Variants in ERG observed in about 807,000 individuals in gnomAD.
ERG encodes the protein ETS transcription factor ERG, also known as transcriptional regulator ERG.
A neutral mutation model predicts 55.3 loss-of-function variants in ERG; 9 were observed. The ratio of observed to expected loss-of-function variants is 0.16; its 90% CI spans 0.10 to 0.28. The LOEUF (loss-of-function observed/expected upper bound fraction) is 0.28, where lower values mean the gene tolerates loss of function less well. Among genes scored for constraint, ERG ranks in the 10% least tolerant of loss-of-function variants. The probability of loss-of-function intolerance (pLI) is 1.00; values close to 1 mark genes in which losing one functional copy is unlikely to be tolerated. For synonymous variants in ERG, 223 were observed against 237.3 expected (o/e 0.94, Z 0.55); for missense variants, 434 against 631.6 (o/e 0.69, Z 3.35).
At position 38,380,654 on chromosome 21, in the gene ERG, T is replaced by C; in HGVS notation, c.*2749A>G. The C allele has an allele frequency of 9.4e-7, 1 of 1,065,130 alleles. No homozygotes were observed. Among genetic ancestry groups the C allele is most frequent in the Non-Finnish European group, 1.1e-6 (1 of 879,186 alleles). The allele number at this position is 1,065,130 out of a possible 1,614,324, so 66.0% of individuals were successfully genotyped here. A position where few individuals can be genotyped will look rare whatever the true frequency, so the allele number is the denominator to read the frequency against. On this transcript the variant is annotated 3_prime_UTR_variant, in exon 10 of 10. Transcript: ENST00000288319. ...ACAGTAACAGAGAGTTAATGCCATTTTGAAACAATTTAAGAATTATGTATT... is the reference window on the plus strand; with the variant it reads ...ACAGTAACAGAGAGTTAATGCCATTCTGAAACAATTTAAGAATTATGTATT...
the ERG span, among the ~76,000 whole-genome samples, chr21:38,372,217 T>G: frequency 6.6e-6 from 1 of 152,068 alleles, no homozygotes; most frequent in Non-Finnish European, 1.5e-5. Flanking sequence ...TATCTGTCTT[T>G]TCTTTTTTAA....
At chr21:38,616,802 A>G (rs1233682225) in intron 1 of ERG, among the ~76,000 whole-genome samples, 15 of 152,154 alleles carry the variant, frequency 9.9e-5, no homozygotes, top group Admixed American at 9.8e-4. Flanking sequence ...AAACCATCTA[A>G]GATGCCCCTT....
At chr21:38,648,611 G>T (rs545266661) in intron 1 of ERG, among the ~76,000 whole-genome samples, 5 of 152,274 alleles carry the variant, frequency 3.3e-5, no homozygotes, top group Non-Finnish European at 5.9e-5. Flanking sequence ...ATCTCCCACG[G>T]CCTCTGCCTC....
intron 2 of ERG, among the ~76,000 whole-genome samples, chr21:38,564,434 T>C (rs117061879): frequency 6.6e-6 from 1 of 152,112 alleles, no homozygotes; most frequent in Middle Eastern, 3.4e-3. Flanking sequence ...AGAATAATCA[T>C]CAAAAACAAT....
In ERG at chr21:38,423,581, C is replaced by T; in HGVS notation, c.237-20G>A. ...GAGTTCCTGGAGGAGAAGAAATATT[C>T]TTCCATTATAACAGCAATCAAAGAG... On this transcript the variant is annotated intron_variant, in intron 2 of 9. Transcript: ENST00000288319. 1.3e-6 allele frequency: 2 copies of T among 1,597,822 alleles called. No homozygotes were observed. Among genetic ancestry groups the T allele is most frequent in the Non-Finnish European group, 1.7e-6 (2 of 1,168,162 alleles).
At chr21:38,588,132 C>T (rs562046535), upstream of ERG, among the ~76,000 whole-genome samples, 11 of 152,334 alleles carry the variant, frequency 7.2e-5, no homozygotes, top group South Asian at 4.1e-4. Flanking sequence ...CTACCAGCCG[C>T]GTGAGCTGGC....
chr21:38,509,306 T>C (rs765043241), intron 2 of ERG, among the ~76,000 whole-genome samples: 1 of 152,216 alleles, frequency 6.6e-6, no homozygotes, highest in Non-Finnish European at 1.5e-5. Flanking sequence ...ATTCATCCAT[T>C]CATCAATCTT....
intron 1 of ERG, among the ~76,000 whole-genome samples, chr21:38,655,605 C>G (rs2060514201): frequency 6.6e-6 from 1 of 152,206 alleles, no homozygotes. Flanking sequence ...GGGGTGACAT[C>G]TGACTACGAA....
At chr21:38,636,921 C>T (rs1334467296) in intron 1 of ERG, among the ~76,000 whole-genome samples, 1 of 152,136 alleles carries the variant, frequency 6.6e-6, no homozygotes, top group Admixed American at 6.5e-5. Flanking sequence ...AAGAGGCGAA[C>T]ACTGTTACAG....
At chr21:38,416,571 C>T (rs969444219) in intron 3 of ERG, among the ~76,000 whole-genome samples, 1 of 152,206 alleles carries the variant, frequency 6.6e-6, no homozygotes, top group Non-Finnish European at 1.5e-5. Flanking sequence ...AGCACTGATT[C>T]CTAATTTCCA....
At chr21:38,624,814 G>A (rs2060314761) in intron 1 of ERG, among the ~76,000 whole-genome samples, 2 of 152,092 alleles carry the variant, frequency 1.3e-5, no homozygotes, top group Admixed American at 1.3e-4. Context: ...AAACATCACA[G>A]CCCTTATCAC....
chr21:38,565,503 T>C (rs895901978), intron 2 of ERG, among the ~76,000 whole-genome samples: 4 of 152,162 alleles, frequency 2.6e-5, no homozygotes, highest in African/African-American at 9.7e-5. Flanking sequence ...ATCCTGCAGC[T>C]TTAACCTCAC....
At chr21:38,657,665 C>G (rs1216880478) in intron 1 of ERG, among the ~76,000 whole-genome samples, 1 of 152,126 alleles carries the variant, frequency 6.6e-6, no homozygotes, top group Non-Finnish European at 1.5e-5. Flanking sequence ...GACAGCCCAG[C>G]CATTGGAAAA....
intron 2 of ERG, 85 bp from the exon 3 acceptor site, chr21:38,423,646 A>G: frequency 7.2e-7 from 1 of 1,390,370 alleles, no homozygotes; most frequent in Non-Finnish European, 9.9e-7. Flanking sequence ...AGAGAGAACC[A>G]AAGAAGGGCA....
chr21:38,510,802 G>A (rs1158134989), intron 2 of ERG, among the ~76,000 whole-genome samples: 2 of 152,040 alleles, frequency 1.3e-5, no homozygotes, highest in African/African-American at 2.4e-5. Context: ...CATTGAAATC[G>A]ATTTTCCCCT....
chr21:38,450,047 G>A (rs1396511350), intron 1 of ERG, among the ~76,000 whole-genome samples: 2 of 151,626 alleles, frequency 1.3e-5, no homozygotes, highest in East Asian at 3.9e-4. Flanking sequence ...AAAAACAAAT[G>A]GAACAACTAA....
chr21:38,390,732 T>G (rs1987933568), intron 9 of ERG, among the ~76,000 whole-genome samples: 1 of 152,194 alleles, frequency 6.6e-6, no homozygotes, highest in Non-Finnish European at 1.5e-5. Flanking sequence ...ACTGTTGTTG[T>G]TTAAGCCACC....
At chr21:38,408,825 G>A (rs1171381599) in intron 3 of ERG, among the ~76,000 whole-genome samples, 1 of 152,168 alleles carries the variant, frequency 6.6e-6, no homozygotes, top group Non-Finnish European at 1.5e-5. Context: ...AGGAAGGGGA[G>A]GGGACTACAG....
chr21:38,568,955 T>C (rs1003573861), intron 2 of ERG, among the ~76,000 whole-genome samples: 6 of 152,130 alleles, frequency 3.9e-5, no homozygotes, highest in Admixed American at 6.5e-5. Context: ...CTGCTGAACA[T>C]AGATGCTGTC....
Sources: allele counts gnomAD v4.1 joint callset (sites outside exome capture counted in the v4.1 genomes callset), GRCh38; gene constraint gnomAD v4.1.1; transcripts MANE v1.5; gene names NCBI Gene and HGNC (gene_info 2026-07-23, HGNC 2026-07-21).